Variants in IFTAP observed in about 807,000 individuals in gnomAD.
IFTAP encodes intraflagellar transport associated protein, also known as intraflagellar transport-associated protein.
Under a neutral mutation model 19.4 loss-of-function variants are expected in IFTAP, and 19 were observed. The ratio of observed to expected loss-of-function variants is 0.98; its 90% CI spans 0.68 to 1.44. The LOEUF (loss-of-function observed/expected upper bound fraction) is 1.44. Ranked by LOEUF, IFTAP falls within the 40% of genes most tolerant of loss-of-function variation. The pLI is 0.00. For missense variants in IFTAP, 240 were observed against 253.6 expected (o/e 0.95, Z 0.36); for synonymous variants, 85 against 83.5 (o/e 1.02, Z -0.10).
chr11:36,604,412 T>G (rs1182275009), intron 1 of IFTAP, among the ~76,000 whole-genome samples: 1 of 152,186 alleles, frequency 6.6e-6, no homozygotes, highest in Non-Finnish European at 1.5e-5. Context: ...GAATTGTATG[T>G]TTTTTATTTC....
At position 36,610,061 on chromosome 11, in the gene IFTAP, G is replaced by A; in HGVS notation, c.-23-20G>A. On this transcript the variant is annotated intron_variant, in intron 1 of 5. Transcript: ENST00000334307. Reference sequence around the variant, plus strand: ...TGGTATTGCCTGATTCTCTCTAGCTGGTATTTTTCTGTCTTGCAGATACTG... The same window carrying A: ...TGGTATTGCCTGATTCTCTCTAGCTAGTATTTTTCTGTCTTGCAGATACTG... 1 of 1,601,786 alleles carries A rather than the reference G, an allele frequency of 6.2e-7. No homozygotes were observed. Among genetic ancestry groups the A allele is most frequent in the East Asian group, 2.2e-5 (1 of 44,706 alleles).
chr11:36,646,000 T>C (rs11033734), intron 4 of IFTAP, among the ~76,000 whole-genome samples: 20,601 of 152,166 alleles, frequency 0.14, 2,143 homozygotes, highest in African/African-American at 0.29. Flanking sequence ...TTCGCTTTTA[T>C]TCTGAAGAAA....
chr11:36,622,069 T>G (rs117464586), intron 2 of IFTAP, among the ~76,000 whole-genome samples: 1 of 150,868 alleles, frequency 6.6e-6, no homozygotes, highest in East Asian at 2.0e-4. Context: ...TATTTTACTT[T>G]AAGCTCTTGT....
At chr11:36,612,664 T>C (rs149881765) in intron 2 of IFTAP, among the ~76,000 whole-genome samples, 5 of 152,260 alleles carry the variant, frequency 3.3e-5, no homozygotes, top group South Asian at 2.1e-4. Context: ...TGCATACTTA[T>C]GTACGTTTCT....
At chr11:36,642,640 A>G (rs1853272888) in intron 4 of IFTAP, among the ~76,000 whole-genome samples, 1 of 152,188 alleles carries the variant, frequency 6.6e-6, no homozygotes, top group Non-Finnish European at 1.5e-5. Context: ...CCAGCAGCAC[A>G]TCAAAAAGCT....
intron 2 of IFTAP, among the ~76,000 whole-genome samples, chr11:36,630,226 C>T (rs1001437141): frequency 1.3e-5 from 2 of 151,328 alleles, no homozygotes; most frequent in Non-Finnish European, 2.9e-5. Flanking sequence ...TTTTCCCTAT[C>T]TCATTGTGCC....
chr11:36,649,012 C>A (rs1853601792), intron 5 of IFTAP, among the ~76,000 whole-genome samples: 1 of 152,124 alleles, frequency 6.6e-6, no homozygotes, highest in South Asian at 2.1e-4. Flanking sequence ...GAGACTGTTG[C>A]TAGTGCTGGT....
intron 2 of IFTAP, among the ~76,000 whole-genome samples, chr11:36,622,233 C>G (rs1018133584): frequency 1.1e-4 from 16 of 151,824 alleles, no homozygotes; most frequent in Non-Finnish European, 1.8e-4. Flanking sequence ...ATGTGTTCAG[C>G]AGATGTTATT....
In IFTAP at chr11:36,618,332, C is replaced by A. The variant is rs184627536; in HGVS notation, c.136+8093C>A. On this transcript the variant is annotated intron_variant, in intron 2 of 5. Transcript: ENST00000334307. ...ATTTCAAAGCCCACACCCTGAACCA[C>A]TTTGTTCTCTGCCTTCCGTAGGGCA... Among the ~76,000 whole-genome samples the A allele has an allele frequency of 1.3e-4, 20 of 152,136 alleles. 1 individual carries two copies. Among genetic ancestry groups the A allele is most frequent in the African/African-American group, 4.3e-4 (18 of 41,530 alleles).
chr11:36,643,786 G>A (rs1853340184), intron 4 of IFTAP, among the ~76,000 whole-genome samples: 1 of 152,146 alleles, frequency 6.6e-6, no homozygotes, highest in Admixed American at 6.5e-5. Context: ...GGGAAAACTG[G>A]CTAGCCATAT....
chr11:36,603,333 G>A (rs1043657125), intron 1 of IFTAP, among the ~76,000 whole-genome samples: 3 of 152,006 alleles, frequency 2.0e-5, no homozygotes, highest in African/African-American at 7.3e-5. Context: ...TTCTGTTGGG[G>A]GAAAACAACA....
intron 1 of IFTAP, among the ~76,000 whole-genome samples, chr11:36,609,459 A>G (rs1851798885): frequency 6.6e-6 from 1 of 152,188 alleles, no homozygotes; most frequent in Non-Finnish European, 1.5e-5. Context: ...TGGAATGCTC[A>G]GAGTTACCAG....
intron 4 of IFTAP, among the ~76,000 whole-genome samples, chr11:36,639,536 C>T (rs1236200214): frequency 6.6e-5 from 10 of 152,162 alleles, no homozygotes; most frequent in Non-Finnish European, 1.3e-4. Flanking sequence ...ATGGAGCCAG[C>T]GTGTGCTTCT....
At chr11:36,622,949 A>C (rs1168151214) in intron 2 of IFTAP, among the ~76,000 whole-genome samples, 1 of 152,136 alleles carries the variant, frequency 6.6e-6, no homozygotes, top group Non-Finnish European at 1.5e-5. Flanking sequence ...GAATGATCCT[A>C]CACTGGCCTC....
intron 2 of IFTAP, 28 bp from the exon 3 acceptor site, chr11:36,633,256 T>C (rs1852797777): frequency 1.4e-6 from 2 of 1,453,292 alleles, no homozygotes; most frequent in Non-Finnish European, 1.8e-6. Flanking sequence ...GTGGATGTTT[T>C]CTAATAGTGC....
intron 4 of IFTAP, among the ~76,000 whole-genome samples, chr11:36,641,532 GC>G (rs1853198104): frequency 6.6e-6 from 1 of 152,110 alleles, no homozygotes; most frequent in Non-Finnish European, 1.5e-5. Context: ...TTGTTATGTA[GC>G]CAGTACTCAT....
intron 2 of IFTAP, among the ~76,000 whole-genome samples, chr11:36,626,187 CA>C (rs1485347073): frequency 2.0e-5 from 3 of 151,158 alleles, no homozygotes; most frequent in African/African-American, 7.4e-5. Flanking sequence ...CAAAAATCTG[CA>C]AAAATATATG....
intron 4 of IFTAP, among the ~76,000 whole-genome samples, chr11:36,645,339 T>A (rs1235851864): frequency 6.6e-6 from 1 of 152,110 alleles, no homozygotes; most frequent in East Asian, 1.9e-4. Context: ...AAAGAAGAGA[T>A]TAAAATACTT....
chr11:36,650,420 G>A lies in IFTAP; in HGVS notation c.498+2265G>A, dbSNP rs1853665439. Among the ~76,000 whole-genome samples the A allele has an allele frequency of 2.6e-5, 4 of 151,190 alleles. 1 individual carries two copies. The South Asian group carries it at 8.4e-4, about 32-fold the overall frequency. Reference sequence around the variant, plus strand: ...ATATAATAATTGTATGTATTTATGGGGTATAGTGTGATATTTTGGTACTAT... The same window carrying A: ...ATATAATAATTGTATGTATTTATGGAGTATAGTGTGATATTTTGGTACTAT... On this transcript the variant is annotated intron_variant, in intron 5 of 5. Transcript: ENST00000334307.
Sources: allele counts gnomAD v4.1 joint callset (sites outside exome capture counted in the v4.1 genomes callset), GRCh38; gene constraint gnomAD v4.1.1; transcripts MANE v1.5; gene names NCBI Gene and HGNC (gene_info 2026-07-23, HGNC 2026-07-21).